GULP1: variants seen among roughly 807,000 people sequenced by gnomAD.
GULP1 encodes PTB domain-containing engulfment adapter protein 1.
A neutral mutation model predicts 40.9 loss-of-function variants in GULP1; 19 were observed. That is an observed-to-expected ratio of 0.46 (90% CI 0.32 to 0.68). The LOEUF (loss-of-function observed/expected upper bound fraction) is 0.68. Among genes scored for constraint, GULP1 ranks in the 30% least tolerant of loss-of-function variants. The pLI is 0.03. For synonymous variants in GULP1, 119 were observed against 117.6 expected (o/e 1.01, Z -0.08); for missense variants, 312 against 362.2 (o/e 0.86, Z 1.12).
chr2:188,577,061 C>T (rs569725016), intron 9 of GULP1, among the ~76,000 whole-genome samples: 14 of 152,066 alleles, frequency 9.2e-5, no homozygotes, highest in Non-Finnish European at 1.6e-4. Context: ...TATCTGGGTA[C>T]TTTCATTTTA....
At chr2:188,481,207 A>G (rs1269321425) in intron 3 of GULP1, among the ~76,000 whole-genome samples, 1 of 151,966 alleles carries the variant, frequency 6.6e-6, no homozygotes, top group African/African-American at 2.4e-5. Flanking sequence ...TAGAATGTCT[A>G]TATTCCCATT....
intron 2 of GULP1, among the ~76,000 whole-genome samples, chr2:188,427,819 T>C (rs775030749): frequency 1.5e-4 from 23 of 152,214 alleles, no homozygotes; most frequent in Non-Finnish European, 2.4e-4. Context: ...AGAATCCCCA[T>C]TGGGGCACTG....
At chr2:188,486,213 T>A (rs1285920879) in intron 4 of GULP1, among the ~76,000 whole-genome samples, 1 of 152,064 alleles carries the variant, frequency 6.6e-6, no homozygotes, top group Non-Finnish European at 1.5e-5. Flanking sequence ...ACATTAAACC[T>A]CTTAGGAAGT....
rs1694506366 is a variant in GULP1, at chr2:188,555,464, A to G, written c.400-13775A>G. On this transcript the variant is annotated intron_variant, in intron 7 of 11. Coordinates refer to ENST00000409830, the MANE Select transcript of GULP1 (RefSeq NM_016315.4). ...CTGAGAAAGACTTTATTTCTTCTTC[A>G]TTTAGAAAGGAGAATATTACTGGAT... 2.0e-5 allele frequency among the ~76,000 whole-genome samples: 3 copies of G among 152,088 alleles called. No homozygotes were observed. The South Asian group carries it at 6.2e-4, about 32-fold the overall frequency.
intron 4 of GULP1, among the ~76,000 whole-genome samples, chr2:188,488,256 A>C (rs566343828): frequency 6.6e-6 from 1 of 152,170 alleles, no homozygotes; most frequent in Admixed American, 6.6e-5. Context: ...GCATCCTATT[A>C]CAGTAATTAG....
intron 1 of GULP1, among the ~76,000 whole-genome samples, chr2:188,349,402 A>G (rs1043400495): frequency 6.6e-6 from 1 of 152,134 alleles, no homozygotes. Context: ...ATGCTTGCCA[A>G]TACTTGTTAA....
At chr2:188,569,984 G>T in intron 8 of GULP1, 44 bp from the exon 9 acceptor site, 3 of 668,456 alleles carry the variant, frequency 4.5e-6, no homozygotes, top group South Asian at 2.0e-5. Flanking sequence ...TATTTTCCAA[G>T]AAAAAAAAAA....
At chr2:188,534,345 G>A (rs1688364191) in intron 6 of GULP1, among the ~76,000 whole-genome samples, 1 of 152,034 alleles carries the variant, frequency 6.6e-6, no homozygotes, top group Admixed American at 6.6e-5. Context: ...GCAGCAACAT[G>A]GATGCATCTG....
At chr2:188,427,404 G>A (rs1211981527) in intron 2 of GULP1, among the ~76,000 whole-genome samples, 2 of 152,224 alleles carry the variant, frequency 1.3e-5, no homozygotes, top group African/African-American at 4.8e-5. Context: ...AAGCTTTGAA[G>A]GCATTTCGGA....
intron 1 of GULP1, among the ~76,000 whole-genome samples, chr2:188,381,870 C>G (rs1169690505): frequency 6.6e-6 from 1 of 152,128 alleles, no homozygotes; most frequent in South Asian, 2.1e-4. Context: ...ACAACCCTTA[C>G]ATTTTACAGC....
chr2:188,536,169 T>C (rs1340223291), intron 6 of GULP1, among the ~76,000 whole-genome samples: 1 of 152,200 alleles, frequency 6.6e-6, no homozygotes, highest in African/African-American at 2.4e-5. Flanking sequence ...GTTTGATAGT[T>C]TCTTTTGCTG....
At chr2:188,590,108 GA>G (rs1269892965) in intron 11 of GULP1, 1 of 158,720 alleles carries the variant, frequency 6.3e-6, no homozygotes, top group African/African-American at 2.4e-5. Flanking sequence ...GAGTAGCTGA[GA>G]CTACAAGTGT....
chr2:188,424,567 C>T (rs2055900105), intron 2 of GULP1, among the ~76,000 whole-genome samples: 1 of 151,906 alleles, frequency 6.6e-6, no homozygotes, highest in Non-Finnish European at 1.5e-5. Context: ...GCCATTATCA[C>T]ATTAAAATAA....
intron 2 of GULP1, among the ~76,000 whole-genome samples, chr2:188,437,038 A>G (rs1360240896): frequency 6.6e-6 from 1 of 152,044 alleles, no homozygotes; most frequent in Non-Finnish European, 1.5e-5. Flanking sequence ...TTACCATATC[A>G]GTTCTGGTAG....
At chr2:188,334,417 G>A (rs905584215) in intron 1 of GULP1, among the ~76,000 whole-genome samples, 10 of 152,158 alleles carry the variant, frequency 6.6e-5, no homozygotes, top group Non-Finnish European at 1.5e-4. Context: ...GCTACACATT[G>A]AAACCACCTG....
intron 5 of GULP1, among the ~76,000 whole-genome samples, chr2:188,524,702 G>T (rs7421510): frequency 1.3e-5 from 2 of 149,382 alleles, no homozygotes; most frequent in African/African-American, 2.5e-5. Flanking sequence ...CTACTGGCTC[G>T]CAATGGCCAG....
At chr2:188,339,307 A>G (rs555092283) in intron 1 of GULP1, among the ~76,000 whole-genome samples, 1 of 152,266 alleles carries the variant, frequency 6.6e-6, no homozygotes, top group South Asian at 2.1e-4. Context: ...GTGAATTATC[A>G]GAGACTTTCT....
intron 2 of GULP1, among the ~76,000 whole-genome samples, chr2:188,472,293 G>A (rs544283969): frequency 3.9e-5 from 6 of 152,004 alleles, no homozygotes; most frequent in East Asian, 1.9e-4. Context: ...TAACCTTCTC[G>A]TACTTGGATA....
At chr2:188,569,913 C>T (rs992249005) in intron 8 of GULP1, 115 bp from the exon 9 acceptor site, 16 of 533,154 alleles carry the variant, frequency 3.0e-5, no homozygotes, top group African/African-American at 1.2e-4. Context: ...TTTCTCCCCA[C>T]GCACAACAAA....
Sources: gnomAD v4.1 joint callset for allele counts (sites outside exome capture counted in the v4.1 genomes callset) on GRCh38, gnomAD v4.1.1 for gene constraint, MANE v1.5 for transcripts, NCBI Gene and HGNC (gene_info 2026-07-23, HGNC 2026-07-21) for gene names.